Variants in EIF2AK3 observed in about 807,000 individuals in gnomAD.
EIF2AK3 encodes eukaryotic translation initiation factor 2 alpha kinase 3.
A neutral mutation model predicts 113.5 loss-of-function variants in EIF2AK3; 50 were observed. That is an observed-to-expected ratio of 0.44 (90% confidence interval 0.35 to 0.56). The LOEUF (loss-of-function observed/expected upper bound fraction) is 0.56, where lower values mean the gene tolerates loss of function less well. EIF2AK3 is among the 20% of genes least tolerant of loss of function. The pLI, the probability that EIF2AK3 is intolerant of heterozygous loss-of-function variation, is 0.00. For missense variants in EIF2AK3, 1,185 were observed against 1,378.0 expected, an observed-to-expected ratio of 0.86 and a Z score of 2.22; for synonymous variants, 448 against 495.4, an observed-to-expected ratio of 0.90 and a Z score of 1.27.
At chr2:88,574,001 A>G (rs887536363) in intron 13 of EIF2AK3, among the ~76,000 whole-genome samples, 54 of 152,232 alleles carry the variant, frequency 3.5e-4, no homozygotes, top group Non-Finnish European at 1.9e-4. Flanking sequence ...ATGTTTTAGT[A>G]AGACTCTTTA....
At chr2:88,610,516 AT>A (rs1675428621) in intron 2 of EIF2AK3, among the ~76,000 whole-genome samples, 1 of 152,196 alleles carries the variant, frequency 6.6e-6, no homozygotes, top group African/African-American at 2.4e-5. Context: ...TTCCAACTAC[AT>A]TTGTATGTGG....
Position 88,576,698 on chromosome 2 carries a change from A to G in EIF2AK3, c.1892T>C (p.Leu631Ser). The G allele has an allele frequency of 6.2e-7, 1 of 1,614,060 alleles. No individual in the cohort carries two copies. The highest frequency in any genetic ancestry group is 8.5e-7 in the Non-Finnish European group (1 of 1,179,976). Residue 631 changes from leucine to serine, a missense_variant, in exon 12 of 17, where the codon TTG becomes TCG. Coordinates refer to ENST00000303236, the MANE Select transcript of EIF2AK3 (RefSeq NM_004836.7). ...TTCTCGCATTACCTTTTCCCGAGCC[A>G]ATTCCCTGAAAGAGAGAAAATATTT... ...IKRIRLPNRELAREKVMREVK... is the reference protein window; with the variant it reads ...IKRIRLPNRESAREKVMREVK...
At chr2:88,558,441 C>T (rs893068319) in intron 16 of EIF2AK3, among the ~76,000 whole-genome samples, 1 of 152,170 alleles carries the variant, frequency 6.6e-6, no homozygotes, top group Non-Finnish European at 1.5e-5. Context: ...TTGAACGTAA[C>T]ATGTACTCTT....
chr2:88,558,995 G>A lies in EIF2AK3; in HGVS notation c.3088-16C>T. On this transcript the variant is annotated splice_polypyrimidine_tract_variant and intron_variant, in intron 15 of 16. Transcript: ENST00000303236. ...CAGTTAAGGTCTAAAAAGAAAAAAA[G>A]TATCACTTATTAAGTTTATTTTGAC... is the stretch of plus-strand genomic sequence containing the variant. 1.3e-6 allele frequency: 2 copies of A among 1,518,600 alleles called. No individual in the cohort carries two copies. The highest frequency in any genetic ancestry group is 1.8e-6 in the Non-Finnish European group (2 of 1,097,804). 94.1% of individuals were successfully genotyped at this position (1,518,600 alleles called of 1,614,324 possible). A position where few individuals can be genotyped will look rare whatever the true frequency, so the allele number is the denominator to read the frequency against.
intron 2 of EIF2AK3, among the ~76,000 whole-genome samples, chr2:88,599,017 G>GT (rs529129725): frequency 5.7e-4 from 84 of 147,014 alleles, no homozygotes; most frequent in Admixed American, 7.5e-4. Flanking sequence ...AGCACATAAG[G>GT]TTTTTTTTTT....
intron 4 of EIF2AK3, among the ~76,000 whole-genome samples, chr2:88,591,402 C>T (rs1354118316): frequency 1.3e-5 from 2 of 152,182 alleles, no homozygotes; most frequent in Non-Finnish European, 2.9e-5. Context: ...AGGTAGCACA[C>T]AGTCTGCCTT....
intron 4 of EIF2AK3, 138 bp downstream of exon 4, chr2:88,593,134 T>A (rs1674926826): frequency 4.0e-6 from 4 of 991,802 alleles, no homozygotes; most frequent in Non-Finnish European, 5.8e-6. Flanking sequence ...AGAGCAAGAC[T>A]CCGTATCAAA....
At chr2:88,564,793 C>A (rs886073631) in intron 14 of EIF2AK3, among the ~76,000 whole-genome samples, 2 of 152,066 alleles carry the variant, frequency 1.3e-5, no homozygotes, top group Non-Finnish European at 1.5e-5. Context: ...GAAAAAAGAA[C>A]CTCAAAGAGT....
At chr2:88,601,361 A>G (rs955755487) in intron 2 of EIF2AK3, among the ~76,000 whole-genome samples, 5 of 152,240 alleles carry the variant, frequency 3.3e-5, no homozygotes, top group Admixed American at 1.3e-4. Context: ...AGTTGTTTTG[A>G]CAAGAAGCCT....
chr2:88,584,819 G>A (rs879833614), intron 9 of EIF2AK3, among the ~76,000 whole-genome samples: 3 of 152,074 alleles, frequency 2.0e-5, no homozygotes, highest in South Asian at 2.1e-4. Context: ...CAGGCTAAGC[G>A]AGAGCACGGT....
chr2:88,611,237 C>T (rs1675447585), intron 2 of EIF2AK3, among the ~76,000 whole-genome samples: 1 of 152,154 alleles, frequency 6.6e-6, no homozygotes, highest in Non-Finnish European at 1.5e-5. Context: ...TATATATAGC[C>T]GGTCAGCAAC....
chr2:88,623,895 G>C (rs1014608444), intron 1 of EIF2AK3, among the ~76,000 whole-genome samples: 1 of 151,854 alleles, frequency 6.6e-6, no homozygotes, highest in African/African-American at 2.4e-5. Context: ...CAAAATTCCT[G>C]TTTTCACTGC....
Position 88,557,945 on chromosome 2 carries a change from A to G in EIF2AK3, c.3151-9T>C. On this transcript the variant is annotated splice_polypyrimidine_tract_variant and intron_variant, in intron 16 of 16. Coordinates refer to ENST00000303236, the MANE Select transcript of EIF2AK3 (RefSeq NM_004836.7). ...TCTTGAACCATCACGTACTGAAAAT[A>G]TAAAAATTGTTTTGTGATAAAACGG... is the stretch of plus-strand genomic sequence containing the variant. 6.2e-7 allele frequency: 1 copy of G among 1,613,910 alleles called. No homozygotes were observed. Among genetic ancestry groups the G allele is most frequent in the South Asian group, 1.1e-5 (1 of 91,080 alleles).
At chr2:88,607,336 C>A (rs1215968072) in intron 2 of EIF2AK3, among the ~76,000 whole-genome samples, 1 of 152,288 alleles carries the variant, frequency 6.6e-6, no homozygotes, top group South Asian at 2.1e-4. Context: ...GATTTCACAT[C>A]TGAAAATTAA....
intron 6 of EIF2AK3, 54 bp from the exon 7 acceptor site, chr2:88,588,955 TTTAA>T (rs1268336130): frequency 1.3e-6 from 2 of 1,583,064 alleles, no homozygotes; most frequent in East Asian, 4.5e-5. Context: ...AAAAGGTTTT[TTTAA>T]TTAAATAAAA....
Position 88,609,026 on chromosome 2 carries a change from G to A in EIF2AK3, c.438+4698C>T, listed in dbSNP as rs1010155122. The stretch of plus-strand genomic sequence containing the variant: ...TGGGATTACAGGTGTGAGCCACCGC[G>A]CCCGGCCTTGATGATCCTTTTGTGG... On this transcript the variant is annotated intron_variant, in intron 2 of 16. Coordinates refer to ENST00000303236, the MANE Select transcript of EIF2AK3 (RefSeq NM_004836.7). 1.3e-4 allele frequency among the ~76,000 whole-genome samples: 20 copies of A among 151,518 alleles called. No homozygotes were observed. The South Asian group carries it at 2.3e-3, about 17-fold the overall frequency.
At chr2:88,566,556 C>T (rs1228937393) in intron 14 of EIF2AK3, among the ~76,000 whole-genome samples, 2 of 151,772 alleles carry the variant, frequency 1.3e-5, no homozygotes, top group African/African-American at 2.4e-5. Context: ...ATGTGTAGGA[C>T]GTGCAGGTCT....
At chr2:88,607,908 C>T (rs1301243577) in intron 2 of EIF2AK3, among the ~76,000 whole-genome samples, 2 of 152,110 alleles carry the variant, frequency 1.3e-5, no homozygotes, top group Non-Finnish European at 2.9e-5. Context: ...GAGATGTAGT[C>T]CAATTCTATA....
intron 2 of EIF2AK3, among the ~76,000 whole-genome samples, chr2:88,603,240 G>A (rs936307579): frequency 3.9e-5 from 6 of 152,266 alleles, no homozygotes; most frequent in African/African-American, 1.4e-4. Flanking sequence ...ACACTTCACT[G>A]TTTTACAAAA....
Sources: allele counts gnomAD v4.1 joint callset (sites outside exome capture counted in the v4.1 genomes callset), GRCh38; gene constraint gnomAD v4.1.1; transcripts MANE v1.5; gene names NCBI Gene and HGNC (gene_info 2026-07-23, HGNC 2026-07-21).